Variants in NELL2 observed in about 807,000 individuals in gnomAD.
NELL2 encodes neural EGFL like 2, also known as protein kinase C-binding protein NELL2.
A neutral mutation model predicts 109.6 loss-of-function variants in NELL2; 41 were observed. The observed-to-expected ratio is 0.37, with a 90% CI of 0.29 to 0.49. The LOEUF (loss-of-function observed/expected upper bound fraction) is 0.49, where lower values mean the gene tolerates loss of function less well. NELL2 is among the 20% of genes least tolerant of loss of function. NELL2 has a pLI of 0.98. For synonymous variants in NELL2, 355 were observed against 344.7 expected, an observed-to-expected ratio of 1.03 and a Z score of -0.33; for missense variants, 900 against 1,008.3, an observed-to-expected ratio of 0.89 and a Z score of 1.45.
chr12:44,603,176 A>G (rs973278321), intron 15 of NELL2, among the ~76,000 whole-genome samples: 1 of 151,902 alleles, frequency 6.6e-6, no homozygotes, highest in Non-Finnish European at 1.5e-5. Context: ...TTATGCTTTG[A>G]TATGTGGCTA....
intron 3 of NELL2, among the ~76,000 whole-genome samples, chr12:44,815,411 T>A (rs543068204): frequency 6.6e-6 from 1 of 152,374 alleles, no homozygotes; most frequent in Non-Finnish European, 1.5e-5. Flanking sequence ...TTTTTGTGGA[T>A]AACTATTCAC....
intron 9 of NELL2, among the ~76,000 whole-genome samples, chr12:44,771,886 A>G (rs1315036146): frequency 2.0e-5 from 3 of 152,244 alleles, no homozygotes; most frequent in Non-Finnish European, 4.4e-5. Context: ...TGAAAGCATT[A>G]AAGGAAGAGC....
chr12:44,750,718 T>C (rs1325530583), intron 9 of NELL2, among the ~76,000 whole-genome samples: 1 of 152,140 alleles, frequency 6.6e-6, no homozygotes, highest in Non-Finnish European at 1.5e-5. Flanking sequence ...CCTTCTATTA[T>C]GTTTCTATAT....
upstream of NELL2, chr12:44,880,921 A>G (rs1945404456): frequency 2.0e-5 from 3 of 152,052 alleles, 1 homozygote; most frequent in African/African-American, 7.3e-5. Context: ...ATAAATCTGT[A>G]ATTGGTTGTG....
At chr12:44,664,137 A>T (rs1947843239) in intron 13 of NELL2, among the ~76,000 whole-genome samples, 1 of 152,028 alleles carries the variant, frequency 6.6e-6, no homozygotes, top group Non-Finnish European at 1.5e-5. Context: ...TATTTATTAT[A>T]ATTTGTTCTT....
Position 44,521,527 on chromosome 12 carries a change from C to T in NELL2, c.2175+473G>A, listed in dbSNP as rs552337806. Among the ~76,000 whole-genome samples the T allele has an allele frequency of 4.1e-3, 496 of 122,278 alleles. 11 individuals are homozygous for T. Among genetic ancestry groups the T allele is most frequent in the African/African-American group, 0.02 (474 of 23,398 alleles). The allele number at this position is 122,278 out of a possible 152,430, so 80.2% of individuals were successfully genotyped here. A position where few individuals can be genotyped will look rare whatever the true frequency, so the allele number is the denominator to read the frequency against. Reference sequence around the variant, plus strand: ...CCTGGGCGACAGAGCGAGACTCCGTCTCAAAAAAAAAAAAAGAAGGTTGCG... The same window carrying T: ...CCTGGGCGACAGAGCGAGACTCCGTTTCAAAAAAAAAAAAAGAAGGTTGCG... On this transcript the variant is annotated intron_variant, in intron 18 of 19. Transcript: ENST00000429094.
chr12:44,539,597 A>G (rs925119990), intron 15 of NELL2, among the ~76,000 whole-genome samples: 8 of 152,182 alleles, frequency 5.3e-5, no homozygotes, highest in African/African-American at 1.9e-4. Flanking sequence ...TAAAATTTAT[A>G]TAGGAAGAAA....
At chr12:44,655,935 C>T (rs1947482775) in intron 13 of NELL2, among the ~76,000 whole-genome samples, 2 of 152,122 alleles carry the variant, frequency 1.3e-5, no homozygotes, top group South Asian at 2.1e-4. Context: ...GCCACAATTT[C>T]CTGATAGTTT....
At chr12:44,876,776 C>T, upstream of NELL2, 1 of 1,414,748 alleles carries the variant, frequency 7.1e-7, no homozygotes, top group South Asian at 1.5e-5. Flanking sequence ...AGGGCACTCC[C>T]CCTCCAGGGC....
intron 11 of NELL2, 76 bp from the exon 12 acceptor site, chr12:44,703,930 T>C (rs895023869): frequency 1.1e-5 from 14 of 1,331,894 alleles, no homozygotes; most frequent in Non-Finnish European, 1.4e-5. Context: ...AATATTTTCT[T>C]TAATTTTGAA....
chr12:44,724,823 A>G (rs1440123937), intron 9 of NELL2, among the ~76,000 whole-genome samples: 1 of 151,758 alleles, frequency 6.6e-6, no homozygotes, highest in South Asian at 2.1e-4. Context: ...AGGGGAAAAA[A>G]AAAAAAAAAA....
At chr12:44,836,769 G>A (rs1310735235) in intron 2 of NELL2, among the ~76,000 whole-genome samples, 2 of 152,166 alleles carry the variant, frequency 1.3e-5, no homozygotes, top group African/African-American at 4.8e-5. Flanking sequence ...CTACAATGCC[G>A]AAGTTTAGAT....
chr12:44,548,377 T>C (rs1051177092), intron 15 of NELL2, among the ~76,000 whole-genome samples: 1 of 151,682 alleles, frequency 6.6e-6, no homozygotes, highest in Non-Finnish European at 1.5e-5. Flanking sequence ...AACCAGTCTC[T>C]ACAAAAGAAA....
chr12:44,909,734 C>G (rs1403071845), intron 1 of NELL2, among the ~76,000 whole-genome samples: 2 of 144,916 alleles, frequency 1.4e-5, no homozygotes, highest in Non-Finnish European at 3.0e-5. Context: ...TGGTGACACA[C>G]AGACACAGAC....
At chr12:44,619,824 T>G (rs1445253183) in intron 13 of NELL2, among the ~76,000 whole-genome samples, 1 of 152,164 alleles carries the variant, frequency 6.6e-6, no homozygotes, top group African/African-American at 2.4e-5. Context: ...TTGAATCCCT[T>G]TAAGGCAGGA....
chr12:44,528,269 C>T (rs1176106863), intron 16 of NELL2, among the ~76,000 whole-genome samples: 2 of 151,292 alleles, frequency 1.3e-5, no homozygotes, highest in Non-Finnish European at 2.9e-5. Context: ...TTCACTGCTC[C>T]TATGTTTGCG....
At chr12:44,768,096 G>C (rs1450552) in intron 9 of NELL2, among the ~76,000 whole-genome samples, 147,332 of 152,254 alleles carry the variant, frequency 0.97, 71,480 homozygotes, top group South Asian at 1. Flanking sequence ...CCCTGGCATT[G>C]CAGCTCTGCT....
chr12:44,538,536 G>A (rs1345170335), intron 15 of NELL2, among the ~76,000 whole-genome samples: 1 of 152,106 alleles, frequency 6.6e-6, no homozygotes, highest in Non-Finnish European at 1.5e-5. Context: ...GAACAATCAA[G>A]AGCCACTGAA....
chr12:44,627,429 CAA>C (rs200944318), intron 13 of NELL2, among the ~76,000 whole-genome samples: 8 of 139,692 alleles, frequency 5.7e-5, no homozygotes, highest in South Asian at 2.3e-4. Context: ...GCAGATGTAC[CAA>C]AAAAAAAAAA....
Sources: allele counts gnomAD v4.1 joint callset (sites outside exome capture counted in the v4.1 genomes callset), GRCh38; gene constraint gnomAD v4.1.1; transcripts MANE v1.5; gene names NCBI Gene and HGNC (gene_info 2026-07-23, HGNC 2026-07-21).